Variants in UBE2R2 observed in about 807,000 individuals in gnomAD.
UBE2R2 encodes ubiquitin-conjugating enzyme E2 R2.
Under a neutral mutation model 27.8 loss-of-function variants are expected in UBE2R2, and 1 was observed. That is an observed-to-expected ratio of 0.04 (90% CI 0.01 to 0.17). The LOEUF is 0.17. Among genes scored for constraint, UBE2R2 ranks in the 10% least tolerant of loss-of-function variants. UBE2R2 has a pLI of 1.00. For missense variants in UBE2R2, 100 were observed against 291.0 expected (o/e 0.34, Z 4.78); for synonymous variants, 106 against 113.3 (o/e 0.94, Z 0.41).
intron 1 of UBE2R2, among the ~76,000 whole-genome samples, chr9:33,868,136 C>G (rs937644782): frequency 9.9e-5 from 15 of 152,152 alleles, no homozygotes; most frequent in African/African-American, 3.6e-4. Context: ...TGGGCTGTCT[C>G]TGGCAGGCCC....
chr9:33,868,019 G>A (rs931197034), intron 1 of UBE2R2, among the ~76,000 whole-genome samples: 4 of 152,146 alleles, frequency 2.6e-5, no homozygotes, highest in African/African-American at 9.7e-5. Flanking sequence ...CAGCTCACAC[G>A]AACTGTTTGA....
intron 3 of UBE2R2, among the ~76,000 whole-genome samples, chr9:33,908,442 G>A (rs1822412140): frequency 1.3e-5 from 2 of 152,144 alleles, no homozygotes; most frequent in South Asian, 4.1e-4. Flanking sequence ...AATGGTAGGA[G>A]AAGGAGATTA....
intron 1 of UBE2R2, chr9:33,818,562 C>A (rs1303342264): frequency 1.3e-5 from 2 of 149,508 alleles, no homozygotes; most frequent in African/African-American, 2.5e-5. Flanking sequence ...AGGGTGCCCG[C>A]GTCGTCTTGT....
intron 1 of UBE2R2, among the ~76,000 whole-genome samples, chr9:33,836,768 A>AT (rs200535767): frequency 0.19 from 28,657 of 147,254 alleles, 3,051 homozygotes; most frequent in South Asian, 0.32. Flanking sequence ...AAAAAAAAAA[A>AT]ATATATATAT....
At chr9:33,886,214 T>C (rs1034590278) in intron 1 of UBE2R2, among the ~76,000 whole-genome samples, 21 of 152,190 alleles carry the variant, frequency 1.4e-4, no homozygotes, top group African/African-American at 4.3e-4. Context: ...AAAAATACCG[T>C]TGTTCCATAT....
At chr9:33,916,995 T>C (rs1822662014) in intron 4 of UBE2R2, 23 bp from the exon 5 acceptor site, 1 of 1,613,514 alleles carries the variant, frequency 6.2e-7, no homozygotes, top group African/African-American at 1.3e-5. Context: ...CCGTAAACCA[T>C]TTCTGTGTCA....
At chr9:33,887,036 A>G (rs1356783990) in intron 2 of UBE2R2, 69 bp downstream of exon 2, 1 of 1,260,694 alleles carries the variant, frequency 7.9e-7, no homozygotes, top group South Asian at 1.3e-5. Context: ...AAAATAGCCT[A>G]TCTCAGCACA....
At chr9:33,902,695 T>C (rs1209761160) in intron 3 of UBE2R2, among the ~76,000 whole-genome samples, 1 of 152,376 alleles carries the variant, frequency 6.6e-6, no homozygotes, top group African/African-American at 2.4e-5. Flanking sequence ...TTTTGAGATA[T>C]TCTGTAATTG....
intron 1 of UBE2R2, among the ~76,000 whole-genome samples, chr9:33,877,135 C>G (rs188401217): frequency 6.6e-6 from 1 of 151,030 alleles, no homozygotes; most frequent in Non-Finnish European, 1.5e-5. Flanking sequence ...AAAACTACTT[C>G]TAGAATAAAG....
intron 1 of UBE2R2, among the ~76,000 whole-genome samples, chr9:33,852,092 C>G (rs1820980985): frequency 6.6e-6 from 1 of 151,792 alleles, no homozygotes; most frequent in Non-Finnish European, 1.5e-5. Flanking sequence ...GTGAGGACTG[C>G]TGAGACCAGG....
chr9:33,857,672 T>TATTTAGATAAA (rs1821140319), intron 1 of UBE2R2, among the ~76,000 whole-genome samples: 4 of 152,222 alleles, frequency 2.6e-5, no homozygotes, highest in Non-Finnish European at 4.4e-5. Flanking sequence ...TACTTGAAAG[T>TATTTAGATAAA]CATATTTAGT....
intron 4 of UBE2R2, among the ~76,000 whole-genome samples, chr9:33,915,991 T>G (rs1822632250): frequency 6.6e-6 from 1 of 152,232 alleles, no homozygotes; most frequent in East Asian, 1.9e-4. Context: ...ACAAGGTGTG[T>G]CCGAGATGCC....
intron 1 of UBE2R2, among the ~76,000 whole-genome samples, chr9:33,859,628 G>A (rs771881412): frequency 3.3e-5 from 5 of 152,030 alleles, no homozygotes; most frequent in East Asian, 1.9e-4. Context: ...TTGTTGTGAC[G>A]TTAGGAGCCT....
At chr9:33,859,799 T>TGAGAGA (rs376101396) in intron 1 of UBE2R2, among the ~76,000 whole-genome samples, 2 of 86,586 alleles carry the variant, frequency 2.3e-5, no homozygotes, top group East Asian at 3.1e-4. Flanking sequence ...TGTGTGTGTG[T>TGAGAGA]GAGAGAGAGA....
intron 4 of UBE2R2, among the ~76,000 whole-genome samples, chr9:33,914,306 A>G (rs1822580498): frequency 6.6e-6 from 1 of 152,222 alleles, no homozygotes; most frequent in Non-Finnish European, 1.5e-5. Context: ...GAAAAAAGGG[A>G]AAATACCCAT....
intron 1 of UBE2R2, among the ~76,000 whole-genome samples, chr9:33,826,223 C>T (rs1483399773): frequency 6.6e-6 from 1 of 151,588 alleles, no homozygotes; most frequent in Non-Finnish European, 1.5e-5. Context: ...CAACTTTATT[C>T]AGCAAGAAAT....
chr9:33,906,576 A>G (rs1015145632), intron 3 of UBE2R2, among the ~76,000 whole-genome samples: 3 of 151,886 alleles, frequency 2.0e-5, no homozygotes, highest in African/African-American at 7.3e-5. Context: ...TTCCAGGCAG[A>G]CCCTCGAGCC....
upstream of UBE2R2, among the ~76,000 whole-genome samples, chr9:33,815,906 T>C (rs960970492): frequency 4.6e-5 from 7 of 152,134 alleles, no homozygotes; most frequent in Non-Finnish European, 8.8e-5. Context: ...ATTAATCCCC[T>C]TTTACAGAAG....
At chr9:33,856,748 A>C (rs1351593748) in intron 1 of UBE2R2, among the ~76,000 whole-genome samples, 2 of 142,078 alleles carry the variant, frequency 1.4e-5, no homozygotes, top group Non-Finnish European at 3.1e-5. Flanking sequence ...TTCCTTTGTC[A>C]TTCTCATCTG....
Sources: gnomAD v4.1 joint callset for allele counts (sites outside exome capture counted in the v4.1 genomes callset) on GRCh38, gnomAD v4.1.1 for gene constraint, MANE v1.5 for transcripts, NCBI Gene and HGNC (gene_info 2026-07-23, HGNC 2026-07-21) for gene names.